EVL: variants seen among roughly 807,000 people sequenced by gnomAD.
EVL encodes the protein ena/VASP-like protein.
Under a neutral mutation model 59.6 loss-of-function variants are expected in EVL, and 21 were observed. That is an observed-to-expected ratio of 0.35 (90% CI 0.25 to 0.51). The LOEUF (loss-of-function observed/expected upper bound fraction) is 0.51. Among genes scored for constraint, EVL ranks in the 20% least tolerant of loss-of-function variants. EVL has a pLI of 0.97. For synonymous variants in EVL, 198 were observed against 203.5 expected (o/e 0.97, Z 0.23); for missense variants, 462 against 546.6 (o/e 0.85, Z 1.54).
At chr14:100,132,882 TG>T in intron 8 of EVL, 103 bp downstream of exon 8, 1 of 1,285,916 alleles carries the variant, frequency 7.8e-7, no homozygotes. Flanking sequence ...ATGCGTGGGA[TG>T]GGCGCTTCAT....
At chr14:100,086,108 G>T (rs1475401504) in intron 2 of EVL, among the ~76,000 whole-genome samples, 1 of 152,198 alleles carries the variant, frequency 6.6e-6, no homozygotes, top group Non-Finnish European at 1.5e-5. Context: ...CAGCCTGGGC[G>T]ACGGAGCGAG....
chr14:100,110,483 A>G (rs968720034), intron 3 of EVL, among the ~76,000 whole-genome samples: 3 of 151,980 alleles, frequency 2.0e-5, no homozygotes, highest in Non-Finnish European at 4.4e-5. Context: ...ATGGTCAGAG[A>G]ACACTTTCTG....
At chr14:100,118,133 C>T (rs1264251458) in intron 3 of EVL, among the ~76,000 whole-genome samples, 2 of 152,194 alleles carry the variant, frequency 1.3e-5, no homozygotes, top group African/African-American at 4.8e-5. Flanking sequence ...CTGGTGAACT[C>T]GGACTCACAT....
intron 1 of EVL, among the ~76,000 whole-genome samples, chr14:100,014,116 C>T (rs2061035057): frequency 6.6e-6 from 1 of 152,064 alleles, no homozygotes; most frequent in Non-Finnish European, 1.5e-5. Flanking sequence ...CTATCAGATA[C>T]TAGCATTTGA....
At chr14:100,018,884 G>A (rs2061074849) in intron 1 of EVL, among the ~76,000 whole-genome samples, 1 of 152,076 alleles carries the variant, frequency 6.6e-6, no homozygotes. Context: ...CTGGCATCTC[G>A]TTTCCTCCTT....
intron 1 of EVL, among the ~76,000 whole-genome samples, chr14:100,067,085 G>A (rs182367321): frequency 6.6e-6 from 1 of 152,292 alleles, no homozygotes; most frequent in African/African-American, 2.4e-5. Context: ...CTGAACCAAA[G>A]CAAAAGCCCA....
intron 1 of EVL, among the ~76,000 whole-genome samples, chr14:100,071,918 T>C (rs1251426323): frequency 6.6e-6 from 1 of 152,130 alleles, no homozygotes; most frequent in Admixed American, 6.6e-5. Context: ...CTTCATAGCA[T>C]GAAACCTGTT....
chr14:100,070,210 G>A (rs1044128518), intron 1 of EVL, among the ~76,000 whole-genome samples: 3 of 152,196 alleles, frequency 2.0e-5, no homozygotes, highest in Admixed American at 1.3e-4. Context: ...CAAGCCTGCA[G>A]TGAGCTGTGA....
chr14:100,020,180 T>C (rs1229244002), intron 1 of EVL, among the ~76,000 whole-genome samples: 1 of 152,196 alleles, frequency 6.6e-6, no homozygotes, highest in African/African-American at 2.4e-5. Context: ...AGTAGTAATC[T>C]CATCGCCGGT....
chr14:100,020,662 A>G lies in EVL; in HGVS notation c.5+48605A>G, dbSNP rs1165590070. On this transcript the variant is annotated intron_variant, in intron 1 of 13. Transcript: ENST00000402714. The stretch of plus-strand genomic sequence containing the variant: ...TGTTGCTGCGGTAGACATTAAAACA[A>G]TAAGAGAATAACCACCTTTCATTCT... 7.9e-5 allele frequency among the ~76,000 whole-genome samples: 12 copies of G among 152,312 alleles called. No individual in the cohort carries two copies. In the East Asian group the frequency reaches 2.1e-3, roughly 27 times the overall value.
chr14:100,092,071 T>C (rs1325066833), intron 2 of EVL, among the ~76,000 whole-genome samples: 1 of 151,886 alleles, frequency 6.6e-6, no homozygotes, highest in Non-Finnish European at 1.5e-5. Flanking sequence ...AGACCTCGTC[T>C]CTACAAATAA....
chr14:99,998,998 A>G (rs1232134415), intron 1 of EVL, among the ~76,000 whole-genome samples: 1 of 151,812 alleles, frequency 6.6e-6, no homozygotes, highest in Admixed American at 6.6e-5. Context: ...TTGCTTTTTT[A>G]TTTGATTTGT....
At chr14:100,112,084 G>A (rs938008617) in intron 3 of EVL, among the ~76,000 whole-genome samples, 3 of 152,234 alleles carry the variant, frequency 2.0e-5, no homozygotes, top group Admixed American at 6.5e-5. Flanking sequence ...CTCGCGTAGC[G>A]TGTATCATTT....
chr14:100,128,726 C>G lies in EVL; in HGVS notation c.695C>G (p.Ala232Gly). 1 of 1,606,030 alleles carries G rather than the reference C, an allele frequency of 6.2e-7. No homozygotes were observed. The highest frequency in any genetic ancestry group is 8.5e-7 in the Non-Finnish European group (1 of 1,179,492). Residue 232 changes from alanine (A) to glycine (G), a missense_variant, in exon 6 of 14, where the codon GCC becomes GGC. Transcript: ENST00000392920. ...MSGLAAAIAG[A>G]KLRRVQRPED... ...GGACTGGCCGCTGCCATAGCTGGGGCCAAGCTGAGAAGAGTCCAACGGGTA... is the reference window on the plus strand; with the variant it reads ...GGACTGGCCGCTGCCATAGCTGGGGGCAAGCTGAGAAGAGTCCAACGGGTA...
At chr14:100,065,079 T>C (rs1190953), upstream of EVL, among the ~76,000 whole-genome samples, 116,754 of 152,068 alleles carry the variant, frequency 0.77, 45,883 homozygotes, top group Non-Finnish European at 0.85. Flanking sequence ...AAACTGAAGC[T>C]CAGACATCTT....
intron 4 of EVL, 114 bp downstream of exon 4, chr14:100,123,716 C>A: frequency 9.3e-7 from 1 of 1,075,428 alleles, no homozygotes. Flanking sequence ...CTCCTAGAGG[C>A]ATACACTGCG....
intron 1 of EVL, among the ~76,000 whole-genome samples, chr14:100,070,207 G>T (rs1486801988): frequency 1.3e-5 from 2 of 152,184 alleles, no homozygotes; most frequent in African/African-American, 4.8e-5. Flanking sequence ...GTTCAAGCCT[G>T]CAGTGAGCTG....
At chr14:99,971,524 G>A (rs1693897326) in exon 1 of EVL, 1 of 151,758 alleles carries the variant, frequency 6.6e-6, no homozygotes, top group East Asian at 1.9e-4. Context: ...GCGGGCGGAG[G>A]GGCGCACGCG....
intron 1 of EVL, among the ~76,000 whole-genome samples, chr14:100,047,100 T>C (rs898556543): frequency 3.5e-5 from 5 of 144,356 alleles, no homozygotes; most frequent in East Asian, 2.1e-4. Context: ...TTTTGAGACC[T>C]TGGGCAGATC....
Sources: allele counts gnomAD v4.1 joint callset (sites outside exome capture counted in the v4.1 genomes callset), GRCh38; gene constraint gnomAD v4.1.1; transcripts MANE v1.5; gene names NCBI Gene and HGNC (gene_info 2026-07-23, HGNC 2026-07-21).